Variants in CORO2B observed in about 807,000 individuals in gnomAD.
CORO2B encodes coronin 2B, also known as coronin-2B.
In CORO2B, 26 loss-of-function variants were observed where a neutral mutation model predicts 58.8. The observed-to-expected ratio is 0.44, with a 90% CI of 0.32 to 0.61. CORO2B has a LOEUF of 0.61. CORO2B is among the 20% of genes least tolerant of loss of function. The pLI, the probability that CORO2B is intolerant of heterozygous loss-of-function variation, is 0.04. For synonymous variants in CORO2B, 242 were observed against 253.8 expected, an observed-to-expected ratio of 0.95 and a Z score of 0.44; for missense variants, 460 against 645.1, an observed-to-expected ratio of 0.71 and a Z score of 3.11.
At chr15:68,724,912 T>C (rs1893255873) in intron 11 of CORO2B, among the ~76,000 whole-genome samples, 1 of 152,092 alleles carries the variant, frequency 6.6e-6, no homozygotes, top group Admixed American at 6.6e-5. Flanking sequence ...AGAGAGTCAT[T>C]GGGGTGAAGA....
At chr15:68,722,081 CTT>C (rs373667309) in intron 11 of CORO2B, among the ~76,000 whole-genome samples, 6 of 152,178 alleles carry the variant, frequency 3.9e-5, no homozygotes, top group African/African-American at 1.4e-4. Context: ...GAACTCTACT[CTT>C]TGAAGATAGA....
chr15:68,581,142 G>T (rs1334281796), intron 1 of CORO2B, among the ~76,000 whole-genome samples: 1 of 152,130 alleles, frequency 6.6e-6, no homozygotes, highest in Non-Finnish European at 1.5e-5. Flanking sequence ...ATGAAAGTGG[G>T]TGCTTACCTG....
chr15:68,522,987 G>T, the CORO2B span, among the ~76,000 whole-genome samples: 8 of 152,030 alleles, frequency 5.3e-5, no homozygotes, highest in African/African-American at 1.9e-4. Context: ...CTATTCTCTG[G>T]CATGCAGTTA....
chr15:68,544,977 G>A, the CORO2B span, among the ~76,000 whole-genome samples: 88 of 152,184 alleles, frequency 5.8e-4, no homozygotes, highest in Non-Finnish European at 1.1e-3. Context: ...GGGTTTCACC[G>A]TGTTAGCCAG....
At chr15:68,522,397 T>C in the CORO2B span, among the ~76,000 whole-genome samples, 3 of 152,224 alleles carry the variant, frequency 2.0e-5, no homozygotes. Flanking sequence ...ACAACTTAAC[T>C]AATCCTCTTC....
chr15:68,614,103 A>C (rs1388133343), intron 1 of CORO2B, among the ~76,000 whole-genome samples: 2 of 152,192 alleles, frequency 1.3e-5, no homozygotes, highest in Non-Finnish European at 2.9e-5. Context: ...GGGTTCTCAC[A>C]CAGACCTCCC....
chr15:68,630,847 C>T (rs1000853454), intron 1 of CORO2B, among the ~76,000 whole-genome samples: 51 of 152,230 alleles, frequency 3.4e-4, no homozygotes, highest in Admixed American at 4.6e-4. Flanking sequence ...GGTGCCAGAG[C>T]GCCAGGATTT....
the CORO2B span, among the ~76,000 whole-genome samples, chr15:68,545,605 C>CG: frequency 8.1e-4 from 56 of 68,808 alleles, 2 homozygotes; most frequent in East Asian, 6.0e-3. Flanking sequence ...AACAGGAATG[C>CG]GGGGGGCGGG....
intron 2 of CORO2B, among the ~76,000 whole-genome samples, chr15:68,692,380 T>C (rs1892400171): frequency 6.6e-6 from 1 of 151,050 alleles, no homozygotes; most frequent in Non-Finnish European, 1.5e-5. Flanking sequence ...AGGTCAGGAG[T>C]TCAAAACCAG....
At chr15:68,705,495 G>A (rs1741053224) in intron 3 of CORO2B, among the ~76,000 whole-genome samples, 1 of 151,804 alleles carries the variant, frequency 6.6e-6, no homozygotes, top group Admixed American at 6.6e-5. Context: ...ACCCAGGGAG[G>A]GAAGTGGCTG....
At chr15:68,595,941 C>T (rs746076011) in intron 1 of CORO2B, among the ~76,000 whole-genome samples, 5 of 151,846 alleles carry the variant, frequency 3.3e-5, no homozygotes, top group South Asian at 2.1e-4. Context: ...GAAGGAGCAG[C>T]GTGAGCAGAG....
At chr15:68,566,567 A>T in the CORO2B span, among the ~76,000 whole-genome samples, 1 of 152,094 alleles carries the variant, frequency 6.6e-6, no homozygotes, top group African/African-American at 2.4e-5. Context: ...CGGACTCTTC[A>T]TGGTCCCAGA....
At chr15:68,617,529 ATG>A (rs1334597781) in intron 1 of CORO2B, among the ~76,000 whole-genome samples, 1 of 151,980 alleles carries the variant, frequency 6.6e-6, no homozygotes, top group African/African-American at 2.4e-5. Flanking sequence ...GCGTGTGTGT[ATG>A]TGTGTGTCTG....
chr15:68,695,330 A>C (rs1396124475), intron 3 of CORO2B, 74 bp downstream of exon 3: 7 of 1,047,260 alleles, frequency 6.7e-6, no homozygotes, highest in East Asian at 4.8e-5. Context: ...CTCTCTTCCT[A>C]CCCTCCCCTC....
the CORO2B span, among the ~76,000 whole-genome samples, chr15:68,520,997 C>A: frequency 2.0e-5 from 3 of 151,596 alleles, no homozygotes; most frequent in Non-Finnish European, 4.4e-5. Flanking sequence ...TGAAGTGAGC[C>A]AAGATCATGC....
intron 2 of CORO2B, among the ~76,000 whole-genome samples, chr15:68,666,001 A>G (rs1003251524): frequency 1.3e-5 from 2 of 152,146 alleles, no homozygotes; most frequent in Non-Finnish European, 2.9e-5. Flanking sequence ...TTTGATGGCA[A>G]TGCATCAGGT....
At chr15:68,676,746 C>T (rs1902599314) in intron 2 of CORO2B, among the ~76,000 whole-genome samples, 1 of 151,938 alleles carries the variant, frequency 6.6e-6, no homozygotes, top group South Asian at 2.1e-4. Context: ...TAGAGGTGGC[C>T]CAAGATCTGT....
At chr15:68,573,062 GC>G in the CORO2B span, among the ~76,000 whole-genome samples, 8 of 152,142 alleles carry the variant, frequency 5.3e-5, no homozygotes, top group Non-Finnish European at 8.8e-5. Context: ...GGACCAAGAG[GC>G]AGCTGCTCAG....
chr15:68,703,207 G>A (rs1366791618), intron 3 of CORO2B, among the ~76,000 whole-genome samples: 1 of 144,834 alleles, frequency 6.9e-6, no homozygotes, highest in Non-Finnish European at 1.5e-5. Context: ...CTGTCATGCA[G>A]TGGCGCGATC....
Sources: gnomAD v4.1 joint callset for allele counts (sites outside exome capture counted in the v4.1 genomes callset) on GRCh38, gnomAD v4.1.1 for gene constraint, MANE v1.5 for transcripts, NCBI Gene and HGNC (gene_info 2026-07-23, HGNC 2026-07-21) for gene names.